Variants in ACSS3 observed in about 807,000 individuals in gnomAD.
The protein encoded by ACSS3 is acyl-CoA synthetase short chain family member 3, also known as acyl-CoA synthetase short-chain family member 3, mitochondrial.
ACSS3 carries 64 observed loss-of-function variants against 84.2 expected under a neutral mutation model. That is an observed-to-expected ratio of 0.76 (90% CI 0.62 to 0.94). The LOEUF is 0.94. Ranked by LOEUF, ACSS3 falls within the 40% of genes least tolerant of loss-of-function variation. ACSS3 has a pLI of 0.00. For synonymous variants in ACSS3, 317 were observed against 310.1 expected (o/e 1.02, Z -0.23); for missense variants, 815 against 867.6 (o/e 0.94, Z 0.76).
chr12:81,127,091 A>C (rs1885150440), intron 2 of ACSS3, among the ~76,000 whole-genome samples: 1 of 151,852 alleles, frequency 6.6e-6, no homozygotes, highest in African/African-American at 2.4e-5. Flanking sequence ...TCTTTAAAAG[A>C]AAGATTTTTC....
At chr12:81,143,375 A>C in intron 5 of ACSS3, 128 bp downstream of exon 5, 1 of 1,053,152 alleles carries the variant, frequency 9.5e-7, no homozygotes, top group Non-Finnish European at 1.3e-6. Flanking sequence ...ATTTGCTTTT[A>C]TTTTTTTTTC....
At chr12:81,134,248 GT>G (rs1885673193) in intron 2 of ACSS3, among the ~76,000 whole-genome samples, 1 of 152,086 alleles carries the variant, frequency 6.6e-6, no homozygotes, top group South Asian at 2.1e-4. Context: ...TTGGTTAGCT[GT>G]TTATTAGCTC....
In ACSS3 at chr12:81,199,370, G is replaced by T. The variant is rs146115032; in HGVS notation, c.1280G>T (p.Arg427Leu). Residue 427 changes from arginine to leucine, a missense_variant, in exon 9 of 16, where the codon CGA (arginine) becomes CTA (leucine). Transcript: ENST00000548058. ...RFKTLFVAGE[R>L]CDVETLEWSK... ...AAAACATTATTTGTGGCTGGAGAACGATGTGATGTAGAGACCCTGGAATGG... is the reference window on the plus strand; with the variant it reads ...AAAACATTATTTGTGGCTGGAGAACTATGTGATGTAGAGACCCTGGAATGG... 15 of 1,613,298 alleles carry T rather than the reference G, an allele frequency of 9.3e-6. No individual in the cohort carries two copies. Among genetic ancestry groups the T allele is most frequent in the Non-Finnish European group, 1.3e-5 (15 of 1,179,658 alleles).
At chr12:81,222,165 G>T (rs1593215566) in intron 11 of ACSS3, among the ~76,000 whole-genome samples, 2 of 151,988 alleles carry the variant, frequency 1.3e-5, no homozygotes, top group African/African-American at 2.4e-5. Flanking sequence ...ATTCCTAAAA[G>T]AATTTTATTG....
intron 1 of ACSS3, among the ~76,000 whole-genome samples, chr12:81,098,073 T>C (rs1882197466): frequency 6.6e-6 from 1 of 152,030 alleles, no homozygotes. Flanking sequence ...TGGTTTCCTT[T>C]CACATCCTAA....
At chr12:81,150,239 G>C (rs984223998) in intron 5 of ACSS3, among the ~76,000 whole-genome samples, 1 of 152,160 alleles carries the variant, frequency 6.6e-6, no homozygotes, top group Non-Finnish European at 1.5e-5. Flanking sequence ...GTAGGATGGA[G>C]AGAAAATTTT....
At chr12:81,095,078 C>T (rs767254423) in intron 1 of ACSS3, among the ~76,000 whole-genome samples, 2 of 152,218 alleles carry the variant, frequency 1.3e-5, no homozygotes, top group Non-Finnish European at 2.9e-5. Flanking sequence ...CTCCATTCCA[C>T]TCCCTCCTGG....
At chr12:81,130,587 C>T (rs181888270) in intron 2 of ACSS3, among the ~76,000 whole-genome samples, 2 of 152,264 alleles carry the variant, frequency 1.3e-5, no homozygotes, top group Non-Finnish European at 2.9e-5. Flanking sequence ...TGCATGTTCA[C>T]TCTGATGGTA....
intron 8 of ACSS3, among the ~76,000 whole-genome samples, chr12:81,176,879 G>A (rs2030520045): frequency 2.0e-5 from 3 of 151,956 alleles, no homozygotes; most frequent in African/African-American, 7.3e-5. Context: ...AGAACTTTAG[G>A]CCAGTATTCC....
intron 13 of ACSS3, among the ~76,000 whole-genome samples, chr12:81,248,938 A>C (rs1185643914): frequency 6.6e-6 from 1 of 152,010 alleles, no homozygotes; most frequent in Non-Finnish European, 1.5e-5. Flanking sequence ...TATTACACCA[A>C]AAATATTTCA....
intron 1 of ACSS3, among the ~76,000 whole-genome samples, chr12:81,097,741 G>T (rs984740086): frequency 6.6e-6 from 1 of 152,092 alleles, no homozygotes; most frequent in Admixed American, 6.6e-5. Context: ...ATAAAATTAC[G>T]ATCGTGGAAG....
In ACSS3 at chr12:81,259,232, A is replaced by T. The variant is rs1380717737; in HGVS notation, c.*4310A>T. 2 of 249,756 alleles carry T rather than the reference A, an allele frequency of 8.0e-6. No individual in the cohort carries two copies. Among genetic ancestry groups the T allele is most frequent in the African/African-American group, 4.7e-5 (2 of 42,894 alleles). 15.5% of individuals were successfully genotyped at this position (249,756 alleles called of 1,614,324 possible). A position where few individuals can be genotyped will look rare whatever the true frequency, so the allele number is the denominator to read the frequency against. ...AATGGTGGAATGGTAAAATACAAAC[A>T]GTACTTGGAATTGTCAAATGTTTGC... On this transcript the variant is annotated 3_prime_UTR_variant, in exon 16 of 16. Transcript: ENST00000548058.
At chr12:81,089,318 T>C (rs1881522322) in intron 1 of ACSS3, among the ~76,000 whole-genome samples, 1 of 151,976 alleles carries the variant, frequency 6.6e-6, no homozygotes, top group African/African-American at 2.4e-5. Flanking sequence ...ATCTTGATCC[T>C]AATTCCCTTC....
chr12:81,078,208 G>A lies in ACSS3; in HGVS notation c.88G>A (p.Ala30Thr), dbSNP rs1398706932. 1.3e-6 allele frequency: 2 copies of A among 1,570,414 alleles called. No homozygotes were observed. The highest frequency in any genetic ancestry group is 2.3e-5 in the East Asian group (1 of 42,790). ...PLPGSSPARG[A>T]GAALRALVVP... ...GCCTGGGTCCTCTCCGGCCCGGGGA[G>A]CCGGTGCGGCCCTCAGGGCTTTAGT... The change falls in exon 1 of 16, where the codon GCC becomes ACC. Residue 30 changes from alanine to threonine, a missense_variant. Physicochemically the swap from Ala to Thr is moderately conservative, Grantham distance 58. Coordinates refer to ENST00000548058, the MANE Select transcript of ACSS3 (RefSeq NM_024560.4).
chr12:81,087,755 C>T (rs1463892011), intron 1 of ACSS3, among the ~76,000 whole-genome samples: 1 of 152,058 alleles, frequency 6.6e-6, no homozygotes, highest in Non-Finnish European at 1.5e-5. Context: ...CTTCCTCTAA[C>T]TCTCCCTCCC....
chr12:81,175,454 A>G (rs1299359940), intron 8 of ACSS3, among the ~76,000 whole-genome samples: 2 of 152,212 alleles, frequency 1.3e-5, no homozygotes, highest in African/African-American at 4.8e-5. Flanking sequence ...TATTCAATAG[A>G]TGATTGAGGC....
At chr12:81,213,974 T>TCC (rs2032790884) in intron 9 of ACSS3, among the ~76,000 whole-genome samples, 8 of 32,696 alleles carry the variant, frequency 2.4e-4, no homozygotes, top group South Asian at 1.0e-3. Flanking sequence ...TTTCTTTCTT[T>TCC]CTTTCTTTCT....
At chr12:81,111,558 A>G (rs1883592697) in intron 2 of ACSS3, among the ~76,000 whole-genome samples, 1 of 152,202 alleles carries the variant, frequency 6.6e-6, no homozygotes, top group African/African-American at 2.4e-5. Flanking sequence ...AAGGGCCTCG[A>G]TCCCAGACGG....
intron 8 of ACSS3, among the ~76,000 whole-genome samples, chr12:81,198,656 G>GT: frequency 6.7e-6 from 1 of 150,308 alleles, no homozygotes; most frequent in Non-Finnish European, 1.5e-5. Context: ...CAACACAATT[G>GT]TATTTTCCTA....
Sources: gnomAD v4.1 joint callset for allele counts (sites outside exome capture counted in the v4.1 genomes callset) on GRCh38, gnomAD v4.1.1 for gene constraint, MANE v1.5 for transcripts, NCBI Gene and HGNC (gene_info 2026-07-23, HGNC 2026-07-21) for gene names.